RAB23: variants seen among roughly 807,000 people sequenced by gnomAD.
The protein encoded by RAB23 is ras-related protein Rab-23.
Under a neutral mutation model 30.0 loss-of-function variants are expected in RAB23, and 15 were observed. The observed-to-expected ratio is 0.50, with a 90% CI of 0.33 to 0.77. RAB23 has a LOEUF of 0.77. RAB23 is among the 30% of genes least tolerant of loss of function. The pLI is 0.02. For missense variants in RAB23, 243 were observed against 275.4 expected (o/e 0.88, Z 0.83); for synonymous variants, 93 against 94.0 (o/e 0.99, Z 0.06).
intron 3 of RAB23, among the ~76,000 whole-genome samples, chr6:57,200,886 G>A (rs1182604799): frequency 6.6e-6 from 1 of 152,088 alleles, no homozygotes; most frequent in Non-Finnish European, 1.5e-5. Context: ...ATTTCATAGG[G>A]GCAGAGATGA....
chr6:57,197,391 T>A (rs1243496284), intron 3 of RAB23, among the ~76,000 whole-genome samples: 8 of 152,154 alleles, frequency 5.3e-5, no homozygotes, highest in Admixed American at 2.0e-4. Context: ...AGAAGCAGTT[T>A]TATAAATTAT....
chr6:57,191,843 T>TTGTGTG (rs984122202), intron 6 of RAB23, among the ~76,000 whole-genome samples: 347 of 150,496 alleles, frequency 2.3e-3, no homozygotes, highest in African/African-American at 8.1e-3. Context: ...TATTTCTGAG[T>TTGTGTG]TGTGTGTGTG....
chr6:57,205,225 T>C (rs1007139147), intron 3 of RAB23, among the ~76,000 whole-genome samples: 5 of 151,750 alleles, frequency 3.3e-5, no homozygotes, highest in African/African-American at 9.7e-5. Context: ...TGTGTGTATA[T>C]ATGTGTGTGT....
At chr6:57,191,704 A>T (rs552242212) in intron 6 of RAB23, among the ~76,000 whole-genome samples, 2 of 152,238 alleles carry the variant, frequency 1.3e-5, no homozygotes, top group East Asian at 3.9e-4. Context: ...CCTGCCTGGG[A>T]TTAGAGGTGT....
At chr6:57,198,478 C>A (rs1451553948) in intron 3 of RAB23, among the ~76,000 whole-genome samples, 1 of 152,026 alleles carries the variant, frequency 6.6e-6, no homozygotes. Context: ...CGCGCCACTG[C>A]AAGACCAGCC....
intron 5 of RAB23, 138 bp from the exon 6 acceptor site, chr6:57,194,072 T>A: frequency 3.0e-6 from 4 of 1,324,202 alleles, no homozygotes; most frequent in Non-Finnish European, 4.1e-6. Flanking sequence ...AGTTAAAAAT[T>A]CAACTTTTAA....
intron 3 of RAB23, among the ~76,000 whole-genome samples, chr6:57,201,437 T>G (rs972884626): frequency 4.0e-5 from 5 of 126,266 alleles, no homozygotes; most frequent in African/African-American, 1.3e-4. Flanking sequence ...AGAATCCTCA[T>G]TTCTGAAGAG....
At chr6:57,214,802 C>A (rs529408464) in intron 1 of RAB23, among the ~76,000 whole-genome samples, 17 of 152,006 alleles carry the variant, frequency 1.1e-4, no homozygotes, top group Non-Finnish European at 2.1e-4. Flanking sequence ...ACTCAGCACA[C>A]CAAGAACCAG....
intron 3 of RAB23, among the ~76,000 whole-genome samples, chr6:57,204,599 G>C (rs1011146926): frequency 1.3e-5 from 2 of 152,070 alleles, no homozygotes; most frequent in African/African-American, 4.8e-5. Flanking sequence ...TACTAAGATA[G>C]AATATATTTT....
chr6:57,200,007 A>G (rs1444598341), intron 3 of RAB23, among the ~76,000 whole-genome samples: 1 of 152,108 alleles, frequency 6.6e-6, no homozygotes, highest in Non-Finnish European at 1.5e-5. Context: ...TTAGTTTAAA[A>G]AGCTCAAAAG....
intron 1 of RAB23, among the ~76,000 whole-genome samples, chr6:57,219,906 A>G (rs886559406): frequency 6.6e-6 from 1 of 152,224 alleles, no homozygotes; most frequent in Admixed American, 6.5e-5. Context: ...ATGACCCATA[A>G]AAGGAAAAAC....
intron 1 of RAB23, 106 bp downstream of exon 1, chr6:57,221,620 G>C (rs536876606): frequency 2.0e-5 from 3 of 152,374 alleles, no homozygotes; most frequent in Non-Finnish European, 4.4e-5. Context: ...TTCCCCAGTC[G>C]GGACTTGGGG....
chr6:57,196,634 C>CA, intron 3 of RAB23, 28 bp from the exon 4 acceptor site: 2 of 1,607,048 alleles, frequency 1.2e-6, no homozygotes, highest in Non-Finnish European at 1.7e-6. Context: ...ATCAATCAAT[C>CA]AATCAAGGTA....
chr6:57,217,435 A>G (rs1765891705), intron 1 of RAB23, among the ~76,000 whole-genome samples: 1 of 152,064 alleles, frequency 6.6e-6, no homozygotes, highest in Non-Finnish European at 1.5e-5. Flanking sequence ...CAGCCTCCCG[A>G]GTAGGTGGGA....
intron 3 of RAB23, among the ~76,000 whole-genome samples, chr6:57,200,476 G>A (rs1453130343): frequency 7.0e-6 from 1 of 142,630 alleles, no homozygotes; most frequent in Admixed American, 7.3e-5. Flanking sequence ...GGAGGAGGTT[G>A]CAATGAGCTG....
chr6:57,215,754 TC>T (rs1765812277), intron 1 of RAB23, among the ~76,000 whole-genome samples: 1 of 151,880 alleles, frequency 6.6e-6, no homozygotes, highest in Admixed American at 6.6e-5. Flanking sequence ...ACAACAGACT[TC>T]CCTTCTCTTG....
At position 57,188,355 on chromosome 6, in the gene RAB23, T is replaced by C. The variant is rs552430272; in HGVS notation, c.*2106A>G. The stretch of plus-strand genomic sequence containing the variant: ...TATGTAACAAAGCTCTCTCTTCAGT[T>C]CTTATTTAAAAAAAGATAAAACTAG... On this transcript the variant is annotated 3_prime_UTR_variant, in exon 7 of 7. Transcript: ENST00000468148. 6.6e-6 allele frequency: 1 copy of C among 152,250 alleles called. No individual in the cohort carries two copies. The highest frequency in any genetic ancestry group is 6.5e-5 in the Admixed American group (1 of 15,292). The allele number at this position is 152,250 out of a possible 1,614,324, so 9.4% of individuals were successfully genotyped here. A position where few individuals can be genotyped will look rare whatever the true frequency, so the allele number is the denominator to read the frequency against.
Position 57,194,769 on chromosome 6 carries a change from C to CCTT in RAB23, c.479_481dup (p.Glu160dup). ...ATCTATATCCTTTAAAGGTAATTTA[C>CCTT]CTTCATTCACATTTAGATCTTCTTT... On this transcript the variant is annotated inframe_insertion and splice_region_variant. Transcript: ENST00000468148. The CCTT allele has an allele frequency of 6.2e-7, 1 of 1,604,694 alleles. No homozygotes were observed. The highest frequency in any genetic ancestry group is 8.5e-7 in the Non-Finnish European group (1 of 1,172,304).
At chr6:57,201,780 A>G (rs1260081860) in intron 3 of RAB23, among the ~76,000 whole-genome samples, 1 of 152,242 alleles carries the variant, frequency 6.6e-6, no homozygotes, top group Admixed American at 6.5e-5. Flanking sequence ...TCACAGTAAA[A>G]AACTGTAACA....
Sources: gnomAD v4.1 joint callset for allele counts (sites outside exome capture counted in the v4.1 genomes callset) on GRCh38, gnomAD v4.1.1 for gene constraint, MANE v1.5 for transcripts, NCBI Gene and HGNC (gene_info 2026-07-23, HGNC 2026-07-21) for gene names.